The following CSRNP3 variants were observed in gnomAD, a reference collection of about 807,000 sequenced individuals.
CSRNP3 encodes the protein cysteine and serine rich nuclear protein 3.
A neutral mutation model predicts 48.0 loss-of-function variants in CSRNP3; 12 were observed. The observed-to-expected ratio is 0.25, with a 90% CI of 0.16 to 0.41. CSRNP3 has a LOEUF of 0.41. CSRNP3 is among the 10% of genes least tolerant of loss of function. The pLI, the probability that CSRNP3 is intolerant of heterozygous loss-of-function variation, is 1.00. For synonymous variants in CSRNP3, 263 were observed against 269.7 expected, an observed-to-expected ratio of 0.98 and a Z score of 0.24; for missense variants, 580 against 724.4, an observed-to-expected ratio of 0.80 and a Z score of 2.29.
At chr2:165,561,877 A>G (rs1270304688) in intron 3 of CSRNP3, among the ~76,000 whole-genome samples, 1 of 152,148 alleles carries the variant, frequency 6.6e-6, no homozygotes, top group African/African-American at 2.4e-5. Flanking sequence ...CAATGTCTTA[A>G]TAAGTATTTA....
At chr2:165,625,881 A>G (rs1027522251) in intron 4 of CSRNP3, among the ~76,000 whole-genome samples, 7 of 147,578 alleles carry the variant, frequency 4.7e-5, no homozygotes, top group Non-Finnish European at 1.0e-4. Flanking sequence ...CAGTGAGCCG[A>G]GATCACACCA....
intron 4 of CSRNP3, among the ~76,000 whole-genome samples, chr2:165,647,432 C>T (rs1048094029): frequency 1.3e-5 from 2 of 152,074 alleles, no homozygotes; most frequent in African/African-American, 4.8e-5. Context: ...AATGTATGTT[C>T]CATATGTAAA....
chr2:165,625,350 G>C (rs571258956), intron 4 of CSRNP3, among the ~76,000 whole-genome samples: 1 of 152,090 alleles, frequency 6.6e-6, no homozygotes, highest in East Asian at 1.9e-4. Context: ...AAAAGTGCCA[G>C]GCACGGTGGC....
chr2:165,497,169 T>C (rs961743827), intron 2 of CSRNP3, among the ~76,000 whole-genome samples: 3 of 152,038 alleles, frequency 2.0e-5, no homozygotes, highest in Admixed American at 1.3e-4. Context: ...ACCATTACTC[T>C]AGTCTGGAAA....
intron 3 of CSRNP3, among the ~76,000 whole-genome samples, chr2:165,591,554 G>T (rs889265434): frequency 6.6e-6 from 1 of 152,164 alleles, no homozygotes; most frequent in Non-Finnish European, 1.5e-5. Context: ...GGAAAAAATG[G>T]TTTCCTGCGG....
At chr2:165,480,804 T>A (rs1026984417) in intron 1 of CSRNP3, among the ~76,000 whole-genome samples, 2 of 145,724 alleles carry the variant, frequency 1.4e-5, no homozygotes, top group African/African-American at 5.0e-5. Flanking sequence ...ATATATAATA[T>A]AAAAATATAT....
chr2:165,621,898 A>T (rs1256864306), intron 4 of CSRNP3, among the ~76,000 whole-genome samples: 1 of 152,126 alleles, frequency 6.6e-6, no homozygotes, highest in Non-Finnish European at 1.5e-5. Flanking sequence ...GTTTCTACAG[A>T]TGAGAATGTT....
At chr2:165,660,178 C>T (rs151237538) in intron 5 of CSRNP3, among the ~76,000 whole-genome samples, 1 of 152,280 alleles carries the variant, frequency 6.6e-6, no homozygotes, top group African/African-American at 2.4e-5. Flanking sequence ...AGAGTGAAGT[C>T]GTTCTCCAAA....
intron 1 of CSRNP3, among the ~76,000 whole-genome samples, chr2:165,472,798 C>T (rs1683911643): frequency 6.6e-6 from 1 of 151,876 alleles, no homozygotes; most frequent in Admixed American, 6.6e-5. Context: ...TCAATGTTAG[C>T]AATGTAGCAA....
At chr2:165,548,380 C>T (rs1239939556) in intron 3 of CSRNP3, among the ~76,000 whole-genome samples, 1 of 151,966 alleles carries the variant, frequency 6.6e-6, no homozygotes, top group Non-Finnish European at 1.5e-5. Context: ...ATATACCTCT[C>T]CAAGATACTC....
At position 165,679,641 on chromosome 2, in the gene CSRNP3, G is replaced by A. The variant is rs528077010; in HGVS notation, c.1646G>A (p.Gly549Asp). 1 of 1,614,116 alleles carries A rather than the reference G, an allele frequency of 6.2e-7. No homozygotes were observed. The highest frequency in any genetic ancestry group is 8.5e-7 in the Non-Finnish European group (1 of 1,179,998). The part of the protein sequence containing the change: ...SQEGFVSALN[G>D]DSHISEHPAE... ...GAAGGGTTTGTCTCTGCATTGAATG[G>A]TGACAGTCACATTTCAGAGCATCCT... Residue 549 changes from glycine to aspartate, a missense_variant, in exon 7 of 7, where the codon GGT becomes GAT. By Grantham distance (94) the Gly-to-Asp change is moderately conservative. Around this residue, in one of 4 missense-constraint regions of CSRNP3, gnomAD observed 369 missense variants for 380.8 expected, o/e 0.97. Transcript: ENST00000651982.
chr2:165,521,235 C>T (rs187968857), intron 3 of CSRNP3, among the ~76,000 whole-genome samples: 1 of 150,642 alleles, frequency 6.6e-6, no homozygotes, highest in African/African-American at 2.4e-5. Flanking sequence ...ATGGGGGAAA[C>T]AAAGACTTCT....
rs1473800740 is a variant in CSRNP3 at position 165,676,581 on chromosome 2, C to T, written c.678C>T (p.Thr226=). The stretch of plus-strand genomic sequence containing the variant: ...TGTTCTGTGATCCAGACACGTGCAC[C>T]TGCAGCCTGGCTGGCATTAAGTGCC... The part of the protein sequence containing the change: ...CRVFCDPDTC[T]CSLAGIKCQV... Residue 226 remains threonine, a synonymous_variant, in exon 6 of 7, where the codon ACC becomes ACT. Transcript: ENST00000651982. 1.9e-6 allele frequency: 3 copies of T among 1,613,052 alleles called. No homozygotes were observed. The Admixed American group carries it at 5.0e-5, about 27-fold the overall frequency.
intron 4 of CSRNP3, among the ~76,000 whole-genome samples, chr2:165,613,047 C>T (rs1424587335): frequency 1.3e-5 from 2 of 152,012 alleles, no homozygotes; most frequent in African/African-American, 2.4e-5. Context: ...ACAGTGTATT[C>T]GTGTCACCTT....
intron 1 of CSRNP3, among the ~76,000 whole-genome samples, chr2:165,486,036 G>A (rs1266502533): frequency 6.6e-6 from 1 of 152,198 alleles, no homozygotes; most frequent in African/African-American, 2.4e-5. Flanking sequence ...TGAGGTACCG[G>A]GTTCATCTCA....
intron 3 of CSRNP3, among the ~76,000 whole-genome samples, chr2:165,585,378 G>A (rs1488314266): frequency 1.3e-5 from 2 of 151,960 alleles, no homozygotes; most frequent in African/African-American, 2.4e-5. Flanking sequence ...AAGCTCTTCC[G>A]ACCTGCTATC....
chr2:165,477,483 A>AATATATATATATATATATATATATATAT lies in CSRNP3; in HGVS notation c.-283+7758_-283+7759insTATATATATATATATATATATATATATA, dbSNP rs200408228. ...AAAATACAAATATATATATATATGA[A>AATATATATATATATATATATATATATAT]ATATATATATATATAATACAAATAT... On this transcript the variant is annotated intron_variant, in intron 1 of 6. Transcript: ENST00000651982. Among the ~76,000 whole-genome samples the AATATATATATATATATATATATATATAT allele has an allele frequency of 2.0e-3, 258 of 129,454 alleles. 3 individuals carry two copies. The highest frequency in any genetic ancestry group is 9.5e-3 in the Middle Eastern group (2 of 210). The allele number at this position is 129,454 out of a possible 152,430, so 84.9% of individuals were successfully genotyped here.
chr2:165,659,979 G>A lies in CSRNP3; in HGVS notation c.408+1959G>A, dbSNP rs544543244. Among the ~76,000 whole-genome samples the A allele has an allele frequency of 2.0e-5, 3 of 152,244 alleles. No homozygotes were observed. The South Asian group carries it at 6.2e-4, about 32-fold the overall frequency. On this transcript the variant is annotated intron_variant, in intron 5 of 6. Transcript: ENST00000651982. ...GTCTCTTACTTTGGCAGTATTTTTGGCAGGTTTCACTGAAAGTCTCGGGTC... is the reference window on the plus strand; with the variant it reads ...GTCTCTTACTTTGGCAGTATTTTTGACAGGTTTCACTGAAAGTCTCGGGTC...
chr2:165,623,276 C>T (rs180893034), intron 4 of CSRNP3, among the ~76,000 whole-genome samples: 4 of 152,016 alleles, frequency 2.6e-5, no homozygotes, highest in Non-Finnish European at 4.4e-5. Flanking sequence ...GAGAGGCAGG[C>T]GAGCAAGCAT....
Sources: allele counts gnomAD v4.1 joint callset (sites outside exome capture counted in the v4.1 genomes callset), GRCh38; gene constraint gnomAD v4.1.1; regional missense constraint gnomAD v4.1.1; transcripts MANE v1.5; gene names NCBI Gene and HGNC (gene_info 2026-07-23, HGNC 2026-07-21).